The following SPEF2 variants were observed in gnomAD, a reference collection of about 807,000 sequenced individuals.
SPEF2 encodes the protein sperm flagellar and cilia associated 2, also known as sperm flagella and cilia-associated protein 2.
SPEF2 carries 187 observed loss-of-function variants against 224.6 expected under a neutral mutation model. The observed-to-expected ratio is 0.83, with a 90% confidence interval of 0.74 to 0.94. The LOEUF is 0.94. SPEF2 is among the 40% of genes least tolerant of loss of function. The pLI is 0.00. For synonymous variants in SPEF2, 715 were observed against 707.3 expected (o/e 1.01, Z -0.17); for missense variants, 2,170 against 2,135.6 (o/e 1.02, Z -0.32).
chr5:35,665,467 G>A (rs1200367019), intron 8 of SPEF2, among the ~76,000 whole-genome samples: 2 of 152,114 alleles, frequency 1.3e-5, no homozygotes, highest in African/African-American at 4.8e-5. Flanking sequence ...GCGAGGAAGG[G>A]AGGAAGAGAG....
chr5:35,765,355 G>T (rs1433598680), intron 26 of SPEF2, among the ~76,000 whole-genome samples: 1 of 151,974 alleles, frequency 6.6e-6, no homozygotes, highest in East Asian at 1.9e-4. Context: ...TAATACCTTT[G>T]GGTTTCCAAT....
Position 35,646,660 on chromosome 5 carries a change from T to C in SPEF2, c.586-7T>C, listed in dbSNP as rs765024648. On this transcript the variant is annotated splice_polypyrimidine_tract_variant and splice_region_variant and intron_variant, in intron 4 of 36. Transcript: ENST00000356031. The stretch of plus-strand genomic sequence containing the variant: ...AATCACTAAACTAATGTATATGGGA[T>C]ATTCAGCAATACTTAAACAGAAGAC... 6.2e-7 allele frequency: 1 copy of C among 1,612,746 alleles called. No homozygotes were observed. The highest frequency in any genetic ancestry group is 1.1e-5 in the South Asian group (1 of 90,830).
chr5:35,789,993 C>G, intron 30 of SPEF2: 1 of 700,168 alleles, frequency 1.4e-6, no homozygotes. Context: ...TTGGGAGTCT[C>G]AATCTTTTAC....
intron 21 of SPEF2, among the ~76,000 whole-genome samples, chr5:35,731,861 C>T (rs1044877927): frequency 6.6e-6 from 1 of 152,180 alleles, no homozygotes; most frequent in African/African-American, 2.4e-5. Flanking sequence ...AGAAAAATTA[C>T]ATCTCAGGGG....
intron 30 of SPEF2, among the ~76,000 whole-genome samples, chr5:35,780,620 C>T (rs1159303851): frequency 1.3e-5 from 2 of 152,150 alleles, no homozygotes; most frequent in African/African-American, 4.8e-5. Flanking sequence ...CTACATGGTG[C>T]GAGCTCCACA....
intron 26 of SPEF2, among the ~76,000 whole-genome samples, chr5:35,770,601 T>A (rs1752697149): frequency 6.6e-6 from 1 of 152,122 alleles, no homozygotes; most frequent in Non-Finnish European, 1.5e-5. Context: ...ATAAGTGAGA[T>A]CATGCAGTAT....
chr5:35,695,701 A>G (rs1755211370), intron 13 of SPEF2, 34 bp from the exon 14 acceptor site: 1 of 1,577,696 alleles, frequency 6.3e-7, no homozygotes, highest in African/African-American at 1.3e-5. Flanking sequence ...TGTAAATACC[A>G]GAAATTTGTT....
intron 18 of SPEF2, among the ~76,000 whole-genome samples, chr5:35,708,083 T>C (rs1740179715): frequency 6.6e-6 from 1 of 152,222 alleles, no homozygotes; most frequent in Non-Finnish European, 1.5e-5. Context: ...CAATCAGAAC[T>C]ATTGTTTGCA....
intron 20 of SPEF2, among the ~76,000 whole-genome samples, chr5:35,715,156 A>G (rs564885368): frequency 3.3e-5 from 5 of 152,038 alleles, no homozygotes; most frequent in East Asian, 1.9e-4. Flanking sequence ...GGCTCAAGCA[A>G]TCTCCCCGCT....
Position 35,641,567 on chromosome 5 carries a change from T to C in SPEF2, c.298T>C (p.Leu100=). 6.2e-7 allele frequency: 1 copy of C among 1,613,812 alleles called. No homozygotes were observed. Among genetic ancestry groups the C allele is most frequent in the Non-Finnish European group, 8.5e-7 (1 of 1,179,826 alleles). ...GGTGGCAACAAAGCTGTTATATCAA[T>C]TGTACATTGCTCTTCAGAAAAAGAA... is the stretch of plus-strand genomic sequence containing the variant. ...PGVATKLLYQ[L]YIALQKKKKS... Residue 100 remains leucine, a synonymous_variant, in exon 3 of 37, where the codon TTG becomes CTG. Transcript: ENST00000356031.
chr5:35,714,882 C>T (rs1330744225), intron 20 of SPEF2, among the ~76,000 whole-genome samples: 156 of 151,312 alleles, frequency 1.0e-3, no homozygotes, highest in Non-Finnish European at 8.1e-4. Context: ...TTCTGCATAA[C>T]GTTTGATTAT....
intron 9 of SPEF2, among the ~76,000 whole-genome samples, chr5:35,668,007 A>G (rs1750747725): frequency 6.6e-6 from 1 of 152,152 alleles, no homozygotes; most frequent in South Asian, 2.1e-4. Context: ...AAAAAAATGA[A>G]AACACCAAAT....
chr5:35,643,885 A>G (rs2035993), intron 3 of SPEF2, among the ~76,000 whole-genome samples: 90,676 of 151,890 alleles, frequency 0.6, 27,653 homozygotes, highest in East Asian at 0.74. Context: ...AACTCGCCCA[A>G]TTTTAAGCAG....
At position 35,654,609 on chromosome 5, in the gene SPEF2, C is replaced by T. The variant is rs2270558; in HGVS notation, c.861C>T (p.Asp287=). The T allele has an allele frequency of 0.57, 918,115 of 1,612,478 alleles. 265,181 individuals are homozygous for T. Among genetic ancestry groups the T allele is most frequent in the East Asian group, 0.76 (34,083 of 44,820 alleles). Residue 287 remains aspartate (D), a synonymous_variant, in exon 7 of 37, where the codon GAC becomes GAT. Coordinates refer to ENST00000356031, the MANE Select transcript of SPEF2 (RefSeq NM_024867.4). ...TTDLLNTYSD[D]EYIKKIQKRL... The stretch of plus-strand genomic sequence containing the variant: ...ATTTGTTAAATACTTACTCAGATGA[C>T]GAGTACATTAAAAAAATCCAGAAGC...
chr5:35,627,454 T>C (rs1215148350), intron 1 of SPEF2, among the ~76,000 whole-genome samples: 1 of 151,714 alleles, frequency 6.6e-6, no homozygotes, highest in Non-Finnish European at 1.5e-5. Flanking sequence ...TACAAAAATT[T>C]GCTGGGTGTG....
In SPEF2 at chr5:35,774,006, G is replaced by C. The variant is rs1393377541; in HGVS notation, c.4063G>C (p.Ala1355Pro). ...RVKIKEEHLAALQFEEIATQF... is the reference protein window; with the variant it reads ...RVKIKEEHLAPLQFEEIATQF... ...CAAAATAAAAGAAGAACACCTTGCT[G>C]CCTTGCAATTTGAAGGTAGCGATTG... The change falls in exon 28 of 37, where the codon GCC becomes CCC. Residue 1355 changes from alanine to proline, a missense_variant. Coordinates refer to ENST00000356031, the MANE Select transcript of SPEF2 (RefSeq NM_024867.4). The C allele has an allele frequency of 6.2e-7, 1 of 1,612,372 alleles. No homozygotes were observed. Among genetic ancestry groups the C allele is most frequent in the African/African-American group, 1.3e-5 (1 of 74,928 alleles).
intron 26 of SPEF2, among the ~76,000 whole-genome samples, chr5:35,766,366 G>C (rs1453578421): frequency 6.6e-6 from 1 of 151,906 alleles, no homozygotes; most frequent in Non-Finnish European, 1.5e-5. Context: ...TTTCTTCTTA[G>C]AAAAAACTTG....
At chr5:35,708,865 T>G in intron 18 of SPEF2, 83 bp from the exon 19 acceptor site, 1 of 1,252,816 alleles carries the variant, frequency 8.0e-7, no homozygotes, top group Non-Finnish European at 1.1e-6. Context: ...TGTTTTATAT[T>G]AATTTAGATT....
At chr5:35,711,412 C>T (rs1741103463) in intron 19 of SPEF2, among the ~76,000 whole-genome samples, 1 of 151,802 alleles carries the variant, frequency 6.6e-6, no homozygotes, top group Non-Finnish European at 1.5e-5. Flanking sequence ...TATCTCCTTC[C>T]ATTATACTTG....
Sources: gnomAD v4.1 joint callset for allele counts (sites outside exome capture counted in the v4.1 genomes callset) on GRCh38, gnomAD v4.1.1 for gene constraint, MANE v1.5 for transcripts, NCBI Gene and HGNC (gene_info 2026-07-23, HGNC 2026-07-21) for gene names.